OTOG: variants seen among roughly 807,000 people sequenced by gnomAD.
OTOG encodes the protein otogelin.
Under a neutral mutation model 313.8 loss-of-function variants are expected in OTOG, and 296 were observed. That is an observed-to-expected ratio of 0.94 (90% confidence interval 0.86 to 1.04). The LOEUF (loss-of-function observed/expected upper bound fraction) is 1.04. Ranked by LOEUF, OTOG falls within the 50% of genes least tolerant of loss-of-function variation. OTOG has a pLI of 0.00. For synonymous variants in OTOG, 1,533 were observed against 1,554.9 expected (o/e 0.99, Z 0.33); for missense variants, 3,948 against 3,840.1 (o/e 1.03, Z -0.74).
At chr11:17,548,049 C>T (rs1277368157) in intron 2 of OTOG, 62 bp downstream of exon 2, 4 of 1,252,984 alleles carry the variant, frequency 3.2e-6, no homozygotes, top group South Asian at 1.9e-5. Flanking sequence ...CTGGCATCAG[C>T]GACCCCAGGG....
At chr11:17,598,062 T>C (rs1264221027) in intron 30 of OTOG, among the ~76,000 whole-genome samples, 5 of 152,244 alleles carry the variant, frequency 3.3e-5, no homozygotes, top group Admixed American at 3.3e-4. Context: ...CCCTGAGGCC[T>C]GCAGGCAAGA....
intron 49 of OTOG, among the ~76,000 whole-genome samples, chr11:17,639,915 G>T (rs1213229094): frequency 2.0e-5 from 3 of 147,522 alleles, no homozygotes; most frequent in African/African-American, 7.8e-5. Context: ...GTGATGGTGA[G>T]GATGGTGGTG....
rs1281211278 is a variant in OTOG at position 17,562,058 on chromosome 11, T to A, written c.1644+251T>A. ...TACCTAAAAAAAAAATATATATATA[T>A]ATATATATATATATGTATGTATATG... On this transcript the variant is annotated intron_variant, in intron 15 of 55. Transcript: ENST00000399397. Among the ~76,000 whole-genome samples the A allele has an allele frequency of 4.2e-3, 615 of 146,416 alleles. 3 individuals carry two copies. The highest frequency in any genetic ancestry group is 0.014 in the African/African-American group (578 of 40,566).
Position 17,596,019 on chromosome 11 carries a change from C to A in OTOG, c.3409-19C>A, listed in dbSNP as rs762489613. On this transcript the variant is annotated intron_variant, in intron 28 of 55. Transcript: ENST00000399397. ...ATTTGGCAAGTAGGGAGGTCAACAG[C>A]CCTGCCTTTGCCCCTCAGTGCCCAG... 1.3e-6 allele frequency: 2 copies of A among 1,527,098 alleles called. No homozygotes were observed. The highest frequency in any genetic ancestry group is 1.8e-6 in the Non-Finnish European group (2 of 1,125,526). The allele number at this position is 1,527,098 out of a possible 1,614,324, so 94.6% of individuals were successfully genotyped here. A position where few individuals can be genotyped will look rare whatever the true frequency, so the allele number is the denominator to read the frequency against.
At chr11:17,576,171 C>G (rs899734304) in intron 20 of OTOG, among the ~76,000 whole-genome samples, 3 of 152,212 alleles carry the variant, frequency 2.0e-5, no homozygotes, top group Admixed American at 1.3e-4. Flanking sequence ...CGTGAGTGAC[C>G]AGGACACCTG....
chr11:17,604,848 G>A (rs758917364), intron 32 of OTOG, among the ~76,000 whole-genome samples: 7 of 152,230 alleles, frequency 4.6e-5, no homozygotes, highest in Non-Finnish European at 1.0e-4. Flanking sequence ...TGCCTGGCAC[G>A]TAGCGAGTCA....
At position 17,612,277 on chromosome 11, in the gene OTOG, G is replaced by C; in HGVS notation, c.6239G>C (p.Gly2080Ala). ...GCTCCCCCTCGCTGTGGGATCCTGG[G>C]CCTCGCCGTGCGGGTGGGTGGGGAC... ...GAAPPRCGIL[G>A]LAVRVGGDRC... is the part of the protein sequence containing the mutation. The change falls in exon 37 of 56, where the codon GGC becomes GCC. Residue 2080 changes from glycine to alanine, a missense_variant. Gly to Ala is a moderately conservative substitution (Grantham distance 60, BLOSUM62 0). Transcript: ENST00000399397. 6.5e-7 allele frequency: 1 copy of C among 1,543,858 alleles called. No homozygotes were observed. Among genetic ancestry groups the C allele is most frequent in the Non-Finnish European group, 8.7e-7 (1 of 1,146,852 alleles).
rs757794260 is a variant in OTOG, at chr11:17,553,421, G to A, written c.442G>A (p.Val148Met). 3.4e-6 allele frequency: 5 copies of A among 1,474,060 alleles called. No individual in the cohort carries two copies. The highest frequency in any genetic ancestry group is 5.1e-5 in the Admixed American group (2 of 39,096). The allele number at this position is 1,474,060 out of a possible 1,614,324, so 91.3% of individuals were successfully genotyped here. A position where few individuals can be genotyped will look rare whatever the true frequency, so the allele number is the denominator to read the frequency against. Residue 148 changes from valine to methionine, a missense_variant, in exon 6 of 56, where the codon GTG (valine) becomes ATG (methionine). Transcript: ENST00000399397. ...SICRAWGQHH[V>M]ETFDGLYYYL... ...TTGCCGGGCGTGGGGGCAGCACCAC[G>A]TGGAGACATTTGATGGGCTCTACTA...
At chr11:17,632,732 A>G (rs1024949311) in intron 42 of OTOG, among the ~76,000 whole-genome samples, 3 of 152,000 alleles carry the variant, frequency 2.0e-5, no homozygotes, top group Non-Finnish European at 2.9e-5. Context: ...TCCTCCCCCA[A>G]TTAGGTTTGA....
rs568566993 is a variant in OTOG at position 17,563,143 on chromosome 11, A to G, written c.1644+1336A>G. Among the ~76,000 whole-genome samples the G allele has an allele frequency of 5.3e-5, 8 of 152,324 alleles. No homozygotes were observed. In the East Asian group the frequency reaches 1.5e-3, roughly 29 times the overall value. ...GTGAACATAACTGAGAAAATGGCCAATGTGCAAGTCTGGGGTAGATGGGGG... is the reference window on the plus strand; with the variant it reads ...GTGAACATAACTGAGAAAATGGCCAGTGTGCAAGTCTGGGGTAGATGGGGG... On this transcript the variant is annotated intron_variant, in intron 15 of 55. Coordinates refer to ENST00000399397, the MANE Select transcript of OTOG (RefSeq NM_001292063.2).
intron 23 of OTOG, among the ~76,000 whole-genome samples, chr11:17,582,331 A>G (rs896632221): frequency 3.9e-5 from 6 of 152,206 alleles, no homozygotes; most frequent in Non-Finnish European, 5.9e-5. Flanking sequence ...CACACTCACA[A>G]ACCATTTTGA....
intron 12 of OTOG, 87 bp downstream of exon 12, chr11:17,559,749 T>A: frequency 1.5e-6 from 2 of 1,319,630 alleles, no homozygotes; most frequent in Non-Finnish European, 2.0e-6. Flanking sequence ...AAGATACCTG[T>A]TTGTGGAAGG....
In OTOG at chr11:17,565,892, G is replaced by A. The variant is rs12285445; in HGVS notation, c.1645-3264G>A. Among the ~76,000 whole-genome samples the A allele has an allele frequency of 2.1e-3, 320 of 152,172 alleles. 2 individuals carry two copies. The highest frequency in any genetic ancestry group is 7.4e-3 in the African/African-American group (307 of 41,516). On this transcript the variant is annotated intron_variant, in intron 15 of 55. Coordinates refer to ENST00000399397, the MANE Select transcript of OTOG (RefSeq NM_001292063.2). ...TTTCTGGGCCTATTAGATGCACCAG[G>A]CTTATCTTGTATAGTTCCTGTCCCA...
intron 32 of OTOG, among the ~76,000 whole-genome samples, chr11:17,603,372 T>C (rs898296128): frequency 3.9e-5 from 6 of 152,210 alleles, no homozygotes; most frequent in African/African-American, 1.4e-4. Flanking sequence ...TGGCAGGCCA[T>C]CTGCTTAGTG....
At chr11:17,640,694 G>T (rs1847949323) in intron 49 of OTOG, 51 bp from the exon 50 acceptor site, 1 of 1,531,102 alleles carries the variant, frequency 6.5e-7, no homozygotes, top group Non-Finnish European at 8.8e-7. Context: ...CTGCTCCTGA[G>T]GGCCAGGCTG....
chr11:17,631,153 A>G (rs1199166972), intron 40 of OTOG, among the ~76,000 whole-genome samples: 3 of 152,208 alleles, frequency 2.0e-5, no homozygotes, highest in African/African-American at 7.2e-5. Context: ...CTGCAAGGGC[A>G]TCTGGGAAAA....
intron 39 of OTOG, among the ~76,000 whole-genome samples, chr11:17,614,478 AT>A (rs573220329): frequency 4.0e-4 from 61 of 152,288 alleles, no homozygotes; most frequent in African/African-American, 1.4e-3. Flanking sequence ...AATTTACCGT[AT>A]TTAGTATACA....
intron 35 of OTOG, 68 bp downstream of exon 35, chr11:17,609,277 T>A (rs2134088077): frequency 7.1e-7 from 1 of 1,415,476 alleles, no homozygotes; most frequent in East Asian, 2.5e-5. Flanking sequence ...CACTGAGCAG[T>A]CATGCCTCAA....
chr11:17,636,492 G>C (rs985763485), intron 47 of OTOG, among the ~76,000 whole-genome samples: 1 of 152,114 alleles, frequency 6.6e-6, no homozygotes, highest in African/African-American at 2.4e-5. Context: ...CTTCCACCAG[G>C]ACACCCAAGG....
Sources: allele counts gnomAD v4.1 joint callset (sites outside exome capture counted in the v4.1 genomes callset), GRCh38; gene constraint gnomAD v4.1.1; transcripts MANE v1.5; gene names NCBI Gene and HGNC (gene_info 2026-07-23, HGNC 2026-07-21).